The following RNF24 variants were observed in gnomAD, a reference collection of about 807,000 sequenced individuals.
RNF24 encodes ring finger protein 24.
In RNF24, 14 loss-of-function variants were observed where a neutral mutation model predicts 20.0. The ratio of observed to expected loss-of-function variants is 0.70; its 90% confidence interval spans 0.46 to 1.10. RNF24 has a LOEUF of 1.10. Among genes scored for constraint, RNF24 ranks in the 50% least tolerant of loss-of-function variants. The pLI is 0.00. For missense variants in RNF24, 124 were observed against 177.6 expected, an observed-to-expected ratio of 0.70 and a Z score of 1.71; for synonymous variants, 45 against 61.1, an observed-to-expected ratio of 0.74 and a Z score of 1.23.
At chr20:3,955,417 C>T in intron 2 of RNF24, among the ~76,000 whole-genome samples, 1 of 152,076 alleles carries the variant, frequency 6.6e-6, no homozygotes, top group South Asian at 2.1e-4. Context: ...ATCTTGGCAC[C>T]CTTATTTGCA....
In RNF24 at chr20:3,963,859, A is replaced by C; in HGVS notation, c.143+16T>G. The stretch of plus-strand genomic sequence containing the variant: ...TTTAACATATTTTGAAGTAACATAG[A>C]ATGAAAATTGGTTACCTAATCAAGT... On this transcript the variant is annotated intron_variant, in intron 2 of 5. Coordinates refer to ENST00000358395, the MANE Select transcript of RNF24 (RefSeq NM_001134337.3). 1 of 1,537,264 alleles carries C rather than the reference A, an allele frequency of 6.5e-7. No individual in the cohort carries two copies.
At chr20:3,956,342 A>G (rs2091142753) in intron 2 of RNF24, among the ~76,000 whole-genome samples, 1 of 151,236 alleles carries the variant, frequency 6.6e-6, no homozygotes, top group Non-Finnish European at 1.5e-5. Flanking sequence ...TATGTAATTC[A>G]CCCAAAATTT....
At chr20:3,970,863 T>C (rs1978323197) in intron 1 of RNF24, among the ~76,000 whole-genome samples, 2 of 151,976 alleles carry the variant, frequency 1.3e-5, no homozygotes, top group Non-Finnish European at 2.9e-5. Flanking sequence ...CTGGCAAACA[T>C]GGTGAAACCC....
chr20:4,001,391 C>T (rs1319733003), intron 1 of RNF24, among the ~76,000 whole-genome samples: 1 of 152,064 alleles, frequency 6.6e-6, no homozygotes, highest in Non-Finnish European at 1.5e-5. Context: ...ATCTAATAAA[C>T]TCAGAAGTGA....
At chr20:3,948,134 A>G (rs2091041561) in intron 3 of RNF24, 103 bp downstream of exon 3, 5 of 790,016 alleles carry the variant, frequency 6.3e-6, no homozygotes, top group Non-Finnish European at 1.0e-5. Flanking sequence ...TAAAATGAAC[A>G]CAAGTAAATT....
intron 2 of RNF24, 56 bp downstream of exon 2, chr20:3,963,819 C>G (rs2091228554): frequency 7.1e-7 from 1 of 1,403,430 alleles, no homozygotes; most frequent in African/African-American, 1.5e-5. Context: ...AGGACAGAAA[C>G]TTGATTATTG....
intron 2 of RNF24, among the ~76,000 whole-genome samples, chr20:3,948,643 A>G (rs1317001703): frequency 2.0e-5 from 3 of 148,748 alleles, no homozygotes; most frequent in Admixed American, 6.7e-5. Context: ...TGTACATACC[A>G]GGATAACTGT....
intron 1 of RNF24, chr20:3,974,343 C>T (rs778761671): frequency 3.0e-5 from 47 of 1,550,440 alleles, no homozygotes; most frequent in African/African-American, 1.1e-4. Flanking sequence ...CCCCTAAGAC[C>T]GGGAACAAGG....
chr20:3,928,035 C>T lies in RNF24; in HGVS notation c.*6028G>A, dbSNP rs2146917058. On this transcript the variant is annotated 3_prime_UTR_variant, in exon 6 of 6. Coordinates refer to ENST00000358395, the MANE Select transcript of RNF24 (RefSeq NM_001134337.3). ...TGATATCCCCACTCAAATGGAAGCA[C>T]ACTCCCCAGCACATGGGGATCCCTT... The T allele has an allele frequency of 6.6e-6, 1 of 152,290 alleles. No individual in the cohort carries two copies. The highest frequency in any genetic ancestry group is 2.1e-4 in the South Asian group (1 of 4,828). The allele number at this position is 152,290 out of a possible 1,614,324, so 9.4% of individuals were successfully genotyped here. A position where few individuals can be genotyped will look rare whatever the true frequency, so the allele number is the denominator to read the frequency against.
chr20:3,983,136 G>A (rs1979568477), intron 1 of RNF24, among the ~76,000 whole-genome samples: 1 of 152,160 alleles, frequency 6.6e-6, no homozygotes, highest in Non-Finnish European at 1.5e-5. Flanking sequence ...CTAGAACTGT[G>A]AGAAACAAAT....
rs1164137123 is a variant in RNF24 at position 3,934,492 on chromosome 20, C to T, written c.309-291G>A. 6.6e-6 allele frequency among the ~76,000 whole-genome samples: 1 copy of T among 152,096 alleles called. No homozygotes were observed. Among genetic ancestry groups the T allele is most frequent in the Non-Finnish European group, 1.5e-5 (1 of 68,028 alleles). On this transcript the variant is annotated intron_variant, in intron 5 of 5. Transcript: ENST00000358395. The surrounding 1 kb of genome is among the most constrained non-coding windows in gnomAD (Gnocchi z 4.0). ...ACTCTCAGTTACCCATGACTTCTTA[C>T]AAGAACAAAATACACTGAGCAGGGA...
intron 1 of RNF24, among the ~76,000 whole-genome samples, chr20:3,973,500 C>CAAAAAAAA (rs56824542): frequency 3.0e-4 from 30 of 101,098 alleles, no homozygotes; most frequent in Non-Finnish European, 3.6e-4. Context: ...GGAAGAATGA[C>CAAAAAAAA]AAAAAAAAAA....
intron 1 of RNF24, among the ~76,000 whole-genome samples, chr20:3,970,121 G>A (rs772805294): frequency 6.6e-5 from 10 of 152,116 alleles, no homozygotes; most frequent in Non-Finnish European, 1.5e-4. Flanking sequence ...GATGACAGAG[G>A]AGGATCTCGT....
chr20:3,938,589 A>T (rs1471558450), intron 4 of RNF24, among the ~76,000 whole-genome samples: 1 of 152,224 alleles, frequency 6.6e-6, no homozygotes, highest in African/African-American at 2.4e-5. Context: ...AAATATTTGC[A>T]GACCTTTTTA....
At chr20:3,962,429 G>A (rs2091212233) in intron 2 of RNF24, among the ~76,000 whole-genome samples, 1 of 152,050 alleles carries the variant, frequency 6.6e-6, no homozygotes, top group Non-Finnish European at 1.5e-5. Context: ...GCAACAAAAA[G>A]TGTAACACAA....
intron 1 of RNF24, among the ~76,000 whole-genome samples, chr20:3,974,566 T>C (rs1978692674): frequency 6.6e-6 from 1 of 152,174 alleles, no homozygotes; most frequent in South Asian, 2.1e-4. Flanking sequence ...GGTTGCAGGA[T>C]ACCAGATATA....
chr20:3,993,825 T>A (rs1980651964), intron 1 of RNF24, among the ~76,000 whole-genome samples: 2 of 152,212 alleles, frequency 1.3e-5, no homozygotes, highest in South Asian at 4.1e-4. Flanking sequence ...AAGGTATATA[T>A]TTTTAAACTT....
chr20:3,946,110 G>A (rs1206972807), intron 3 of RNF24, among the ~76,000 whole-genome samples: 1 of 152,114 alleles, frequency 6.6e-6, no homozygotes, highest in Non-Finnish European at 1.5e-5. Flanking sequence ...TCACTTAAAT[G>A]ACTGCAAAGG....
chr20:3,942,991 T>A (rs2090975647), intron 4 of RNF24, among the ~76,000 whole-genome samples: 1 of 151,990 alleles, frequency 6.6e-6, no homozygotes, highest in South Asian at 2.1e-4. Flanking sequence ...CATTTTTGTA[T>A]TTTTGGTAGA....
Sources: allele counts gnomAD v4.1 joint callset (sites outside exome capture counted in the v4.1 genomes callset), GRCh38; gene constraint gnomAD v4.1.1; non-coding constraint Gnocchi (gnomAD v3.1); transcripts MANE v1.5; gene names NCBI Gene and HGNC (gene_info 2026-07-23, HGNC 2026-07-21).